The following NYAP2 variants were observed in gnomAD, a reference collection of about 807,000 sequenced individuals.
NYAP2 encodes neuronal tyrosine-phosphorylated phosphoinositide-3-kinase adapter 2.
NYAP2 carries 23 observed loss-of-function variants against 50.4 expected under a neutral mutation model. The observed-to-expected ratio is 0.46, with a 90% CI of 0.33 to 0.65. NYAP2 has a LOEUF of 0.65. Among genes scored for constraint, NYAP2 ranks in the 30% least tolerant of loss-of-function variants. The pLI, the probability that NYAP2 is intolerant of heterozygous loss-of-function variation, is 0.02. For synonymous variants in NYAP2, 394 were observed against 365.2 expected (o/e 1.08, Z -0.90); for missense variants, 885 against 861.0 (o/e 1.03, Z -0.35).
At chr2:225,442,060 A>G (rs1689478566) in intron 3 of NYAP2, among the ~76,000 whole-genome samples, 1 of 152,218 alleles carries the variant, frequency 6.6e-6, no homozygotes, top group South Asian at 2.1e-4. Context: ...TGTGGAAATA[A>G]AGTTGTTGTC....
intron 3 of NYAP2, among the ~76,000 whole-genome samples, chr2:225,501,350 A>T (rs911110805): frequency 6.6e-6 from 1 of 152,212 alleles, no homozygotes; most frequent in African/African-American, 2.4e-5. Flanking sequence ...GATGGTTACA[A>T]AGTTGAAGGA....
At chr2:225,568,463 T>G (rs954278060) in intron 4 of NYAP2, among the ~76,000 whole-genome samples, 1 of 152,136 alleles carries the variant, frequency 6.6e-6, no homozygotes, top group African/African-American at 2.4e-5. Context: ...TTTGAGGAAA[T>G]GACAAATTAT....
At chr2:225,400,416 C>A (rs958714534) in intron 1 of NYAP2, 145 bp from the exon 2 acceptor site, 8 of 151,498 alleles carry the variant, frequency 5.3e-5, no homozygotes, top group African/African-American at 1.2e-4. Flanking sequence ...CTGGTTGTCA[C>A]GGGGGAGGGA....
the NYAP2 span, among the ~76,000 whole-genome samples, chr2:225,686,386 C>A: frequency 6.6e-6 from 1 of 152,004 alleles, no homozygotes; most frequent in Non-Finnish European, 1.5e-5. Context: ...GGAAGAAAAC[C>A]ATTCCTGGCC....
chr2:225,458,525 T>C (rs1319661277), intron 3 of NYAP2, among the ~76,000 whole-genome samples: 1 of 152,242 alleles, frequency 6.6e-6, no homozygotes, highest in African/African-American at 2.4e-5. Flanking sequence ...TAGATTTATC[T>C]GATTGCCAAA....
chr2:225,466,083 C>G (rs554319638), intron 3 of NYAP2, among the ~76,000 whole-genome samples: 4 of 152,328 alleles, frequency 2.6e-5, no homozygotes, highest in Non-Finnish European at 4.4e-5. Context: ...GGCTTGAGCA[C>G]TTTGCAACTC....
chr2:225,526,156 A>T (rs1691146456), intron 4 of NYAP2, among the ~76,000 whole-genome samples: 1 of 152,202 alleles, frequency 6.6e-6, no homozygotes, highest in Admixed American at 6.5e-5. Context: ...AGCCTTTTGG[A>T]TTCTGGCTGT....
chr2:225,555,952 C>A (rs1236207156), intron 4 of NYAP2, among the ~76,000 whole-genome samples: 3 of 152,154 alleles, frequency 2.0e-5, no homozygotes, highest in African/African-American at 7.2e-5. Flanking sequence ...CCCATCAGTT[C>A]TTACCCTGCT....
intron 3 of NYAP2, among the ~76,000 whole-genome samples, chr2:225,506,732 C>A (rs2106181179): frequency 6.6e-6 from 1 of 152,234 alleles, no homozygotes; most frequent in Admixed American, 6.5e-5. Context: ...TCTATTCATT[C>A]ATAGAGAAAT....
At chr2:225,654,260 C>T (rs142435951), downstream of NYAP2, among the ~76,000 whole-genome samples, 5,104 of 151,994 alleles carry the variant, frequency 0.034, 133 homozygotes, top group Non-Finnish European at 0.046. Flanking sequence ...ACAAACAATC[C>T]CTCTGGTCAC....
chr2:225,436,522 T>C (rs1244251366), intron 3 of NYAP2, among the ~76,000 whole-genome samples: 2 of 152,156 alleles, frequency 1.3e-5, no homozygotes, highest in Non-Finnish European at 2.9e-5. Flanking sequence ...TCACATTGGA[T>C]TAGGGGCCTA....
chr2:225,408,600 T>A (rs964961849), intron 2 of NYAP2, among the ~76,000 whole-genome samples: 9 of 152,080 alleles, frequency 5.9e-5, no homozygotes. Context: ...TTGCATACAG[T>A]ATTTACCCCT....
chr2:225,627,049 C>G, exon 6 of NYAP2: 1 of 1,598,104 alleles, frequency 6.3e-7, no homozygotes, highest in Non-Finnish European at 8.5e-7. Context: ...GATGGAACAC[C>G]AGGGACACCT....
At chr2:225,665,835 A>AAAAAAAAAAAAAAAAC in the NYAP2 span, among the ~76,000 whole-genome samples, 1 of 146,428 alleles carries the variant, frequency 6.8e-6, no homozygotes, top group African/African-American at 2.6e-5. Flanking sequence ...AAAAAAAAAA[A>AAAAAAAAAAAAAAAAC]AAGCCCACCA....
intron 4 of NYAP2, among the ~76,000 whole-genome samples, chr2:225,553,830 A>C (rs1478748877): frequency 6.6e-6 from 1 of 152,106 alleles, no homozygotes; most frequent in Non-Finnish European, 1.5e-5. Context: ...TGAGGTCAGG[A>C]GTTCGACACC....
chr2:225,555,436 A>G (rs1395445745), intron 4 of NYAP2, among the ~76,000 whole-genome samples: 2 of 152,118 alleles, frequency 1.3e-5, no homozygotes, highest in Admixed American at 1.3e-4. Context: ...CGAAGATTCT[A>G]TGTTGTTAAA....
chr2:225,510,326 T>A (rs912150050), intron 3 of NYAP2, among the ~76,000 whole-genome samples: 2 of 152,190 alleles, frequency 1.3e-5, no homozygotes, highest in African/African-American at 4.8e-5. Context: ...TGGCCCTAAC[T>A]ATTGTTCTTA....
intron 4 of NYAP2, among the ~76,000 whole-genome samples, chr2:225,521,198 A>G (rs1362233450): frequency 6.6e-6 from 1 of 151,796 alleles, no homozygotes; most frequent in Non-Finnish European, 1.5e-5. Flanking sequence ...TTTTCTAGAT[A>G]TACAATCATG....
At chr2:225,545,289 T>C (rs990163027) in intron 4 of NYAP2, among the ~76,000 whole-genome samples, 1 of 152,180 alleles carries the variant, frequency 6.6e-6, no homozygotes, top group Non-Finnish European at 1.5e-5. Context: ...CTTATCTCTT[T>C]CTCTACGTCC....
Sources: gnomAD v4.1 joint callset for allele counts (sites outside exome capture counted in the v4.1 genomes callset) on GRCh38, gnomAD v4.1.1 for gene constraint, MANE v1.5 for transcripts, NCBI Gene and HGNC (gene_info 2026-07-23, HGNC 2026-07-21) for gene names.